CNTN4: variants seen among roughly 807,000 people sequenced by gnomAD.
The protein encoded by CNTN4 is contactin-4.
CNTN4 carries 77 observed loss-of-function variants against 122.5 expected under a neutral mutation model. The ratio of observed to expected loss-of-function variants is 0.63; its 90% CI spans 0.52 to 0.76. The LOEUF is 0.76. Ranked by LOEUF, CNTN4 falls within the 30% of genes least tolerant of loss-of-function variation. The pLI is 0.00. For synonymous variants in CNTN4, 512 were observed against 447.0 expected, an observed-to-expected ratio of 1.15 and a Z score of -1.83; for missense variants, 1,256 against 1,259.1, an observed-to-expected ratio of 1.00 and a Z score of 0.04.
At chr3:2,621,202 A>G (rs751372972) in intron 4 of CNTN4, among the ~76,000 whole-genome samples, 12 of 152,158 alleles carry the variant, frequency 7.9e-5, no homozygotes, top group Non-Finnish European at 1.5e-4. Context: ...CTCATCGCTG[A>G]TGTATATGAA....
chr3:2,277,396 A>G (rs1456907469), intron 2 of CNTN4, among the ~76,000 whole-genome samples: 1 of 152,148 alleles, frequency 6.6e-6, no homozygotes, highest in Non-Finnish European at 1.5e-5. Flanking sequence ...AGTTTTAAAT[A>G]TATATATATG....
chr3:2,331,480 A>T (rs898982825), intron 2 of CNTN4, among the ~76,000 whole-genome samples: 22 of 152,188 alleles, frequency 1.4e-4, no homozygotes, highest in African/African-American at 5.3e-4. Context: ...TATGATTATG[A>T]CAACCAAAAA....
At chr3:2,761,124 G>C (rs1039401265) in intron 6 of CNTN4, among the ~76,000 whole-genome samples, 1 of 152,088 alleles carries the variant, frequency 6.6e-6, no homozygotes, top group Non-Finnish European at 1.5e-5. Flanking sequence ...CCTTGTACTC[G>C]TTTTCTAAGA....
chr3:2,512,120 A>C (rs2076904774), intron 3 of CNTN4, among the ~76,000 whole-genome samples: 1 of 152,190 alleles, frequency 6.6e-6, no homozygotes, highest in Admixed American at 6.5e-5. Context: ...AATTTAACAT[A>C]GTTTATTTTG....
rs77077332 is a variant in CNTN4 at position 2,529,044 on chromosome 3, A to G, written c.-88-42372A>G. ...TCGTACAGTGCTATGGAACAGTACA[A>G]CTGATTTATCCTATCTGCCTAGAAT... On this transcript the variant is annotated intron_variant, in intron 3 of 24. Transcript: ENST00000418658. Among the ~76,000 whole-genome samples the G allele has an allele frequency of 6.4e-3, 980 of 152,218 alleles. 10 individuals carry two copies. The highest frequency in any genetic ancestry group is 0.022 in the African/African-American group (925 of 41,546).
At chr3:2,175,781 C>T (rs1200878718) in intron 2 of CNTN4, among the ~76,000 whole-genome samples, 1 of 152,148 alleles carries the variant, frequency 6.6e-6, no homozygotes, top group African/African-American at 2.4e-5. Context: ...ACACCCTAAC[C>T]TGATCTGATC....
intron 17 of CNTN4, among the ~76,000 whole-genome samples, chr3:3,035,771 T>C (rs1265655926): frequency 1.3e-5 from 2 of 152,200 alleles, no homozygotes; most frequent in South Asian, 2.1e-4. Context: ...TTGCTTAGGC[T>C]GGTCTCAAAC....
chr3:2,729,403 G>C lies in CNTN4; in HGVS notation c.56-6812G>C, dbSNP rs375137268. On this transcript the variant is annotated intron_variant, in intron 4 of 24. Coordinates refer to ENST00000418658, the MANE Select transcript of CNTN4 (RefSeq NM_175607.3). ...CACAAAATTAACAAAAAATTAGCCGGGCGTGGTGGCAGGCGCCTGTATTTC... is the reference window on the plus strand; with the variant it reads ...CACAAAATTAACAAAAAATTAGCCGCGCGTGGTGGCAGGCGCCTGTATTTC... Among the ~76,000 whole-genome samples the C allele has an allele frequency of 2.1e-4, 32 of 150,300 alleles. 1 individual carries two copies. Among genetic ancestry groups the C allele is most frequent in the African/African-American group, 8.0e-4 (32 of 40,106 alleles).
At chr3:2,566,162 C>T (rs1225252905) in intron 3 of CNTN4, among the ~76,000 whole-genome samples, 2 of 152,082 alleles carry the variant, frequency 1.3e-5, no homozygotes, top group Non-Finnish European at 2.9e-5. Flanking sequence ...ACATGAAAAG[C>T]CAAGTTAGAG....
At chr3:2,970,563 C>T (rs750572768) in intron 13 of CNTN4, among the ~76,000 whole-genome samples, 1 of 152,022 alleles carries the variant, frequency 6.6e-6, no homozygotes, top group Non-Finnish European at 1.5e-5. Flanking sequence ...CCTGCCACCT[C>T]AGCCTCCCGG....
At chr3:2,682,889 G>A (rs1490178189) in intron 4 of CNTN4, among the ~76,000 whole-genome samples, 5 of 151,878 alleles carry the variant, frequency 3.3e-5, no homozygotes, top group African/African-American at 9.7e-5. Context: ...AACAAATTTT[G>A]CCCTTATCCT....
intron 3 of CNTN4, among the ~76,000 whole-genome samples, chr3:2,431,470 C>A (rs1426899230): frequency 6.6e-6 from 1 of 152,150 alleles, no homozygotes; most frequent in Non-Finnish European, 1.5e-5. Flanking sequence ...GCTTTTGATA[C>A]AAACATCTCC....
intron 3 of CNTN4, among the ~76,000 whole-genome samples, chr3:2,539,240 T>C (rs564374218): frequency 1.3e-5 from 2 of 152,200 alleles, no homozygotes; most frequent in East Asian, 3.9e-4. Flanking sequence ...AACAGTAATG[T>C]AGGGATAAGA....
intron 4 of CNTN4, among the ~76,000 whole-genome samples, chr3:2,630,790 A>C (rs931230044): frequency 1.3e-5 from 2 of 152,018 alleles, no homozygotes; most frequent in East Asian, 3.9e-4. Context: ...GTTCTTATTT[A>C]AAAAATGTGT....
intron 3 of CNTN4, among the ~76,000 whole-genome samples, chr3:2,407,916 G>A (rs531820694): frequency 3.9e-5 from 6 of 152,226 alleles, no homozygotes; most frequent in East Asian, 1.9e-4. Context: ...AATAATACAC[G>A]TATGTACATA....
intron 2 of CNTN4, chr3:2,132,461 G>A (rs2034497807): frequency 6.6e-6 from 1 of 152,144 alleles, no homozygotes; most frequent in South Asian, 2.1e-4. Context: ...CTGTGAAGAA[G>A]AGAGATAATG....
chr3:2,145,643 G>A (rs2035208352), intron 2 of CNTN4, among the ~76,000 whole-genome samples: 1 of 152,132 alleles, frequency 6.6e-6, no homozygotes, highest in African/African-American at 2.4e-5. Flanking sequence ...GTTTAATTAT[G>A]AAATTTACTG....
At position 2,285,331 on chromosome 3, in the gene CNTN4, G is replaced by A. The variant is rs17011790; in HGVS notation, c.-144-53847G>A. Reference sequence around the variant, plus strand: ...TAACCAAAATAGTTTATCTGGTTCAGTTACTGTTGATAAATATATTTAACG... The same window carrying A: ...TAACCAAAATAGTTTATCTGGTTCAATTACTGTTGATAAATATATTTAACG... On this transcript the variant is annotated intron_variant, in intron 2 of 24. Transcript: ENST00000418658. Among the ~76,000 whole-genome samples the A allele has an allele frequency of 8.1e-3, 1,226 of 152,132 alleles. 17 individuals are homozygous for A. The highest frequency in any genetic ancestry group is 0.028 in the African/African-American group (1,161 of 41,538).
At chr3:2,145,577 G>A (rs939195766) in intron 2 of CNTN4, among the ~76,000 whole-genome samples, 1 of 152,100 alleles carries the variant, frequency 6.6e-6, no homozygotes, top group Non-Finnish European at 1.5e-5. Context: ...GGAAAAATCA[G>A]GAATAAGATG....
Sources: allele counts gnomAD v4.1 joint callset (sites outside exome capture counted in the v4.1 genomes callset), GRCh38; gene constraint gnomAD v4.1.1; transcripts MANE v1.5; gene names NCBI Gene and HGNC (gene_info 2026-07-23, HGNC 2026-07-21).